The following SH3TC2 variants were observed in gnomAD, a reference collection of about 807,000 sequenced individuals.
SH3TC2 encodes the protein SH3 domain and tetratricopeptide repeats 2.
In SH3TC2, 87 loss-of-function variants were observed where a neutral mutation model predicts 124.5. That is an observed-to-expected ratio of 0.70 (90% CI 0.59 to 0.84). The LOEUF (loss-of-function observed/expected upper bound fraction) is 0.84. Ranked by LOEUF, SH3TC2 falls within the 40% of genes least tolerant of loss-of-function variation. The pLI is 0.00. For synonymous variants in SH3TC2, 634 were observed against 628.5 expected (o/e 1.01, Z -0.13); for missense variants, 1,536 against 1,566.4 (o/e 0.98, Z 0.33).
At chr5:149,051,043 T>C (rs983769939) in intron 2 of SH3TC2, among the ~76,000 whole-genome samples, 1 of 152,186 alleles carries the variant, frequency 6.6e-6, no homozygotes, top group African/African-American at 2.4e-5. Context: ...TGAGGATCAT[T>C]TGGCACACAA....
Position 149,004,784 on chromosome 5 carries a change from AG to A in SH3TC2, c.3793del (p.Leu1265CysfsTer17). The A allele has an allele frequency of 6.2e-7, 1 of 1,614,120 alleles. No individual in the cohort carries two copies. The highest frequency in any genetic ancestry group is 1.3e-5 in the African/African-American group (1 of 75,052). On this transcript the variant is annotated frameshift_variant, in exon 17 of 17. Transcript: ENST00000515425. LOFTEE classifies it high-confidence loss of function. The stretch of plus-strand genomic sequence containing the variant: ...GCACCCGGAGGGCCTGCTGTGCCAC[AG>A]GGGGCTCTGGCAGATGTTGTCCAGC... ...SRLDNICQSP[L>X]WHSRPSGCSS... is the part of the protein sequence containing the mutation.
At chr5:149,046,045 G>A in intron 3 of SH3TC2, 2 of 345,586 alleles carry the variant, frequency 5.8e-6, no homozygotes, top group Non-Finnish European at 1.2e-5. Flanking sequence ...GGAGTTGACT[G>A]TAACAAGTGA....
Position 149,050,013 on chromosome 5 carries a change from T to C in SH3TC2, c.152-2024A>G, listed in dbSNP as rs72835364. 3.4e-3 allele frequency among the ~76,000 whole-genome samples: 512 copies of C among 152,274 alleles called. 1 individual carries two copies. The highest frequency in any genetic ancestry group is 5.6e-3 in the Non-Finnish European group (379 of 68,014). On this transcript the variant is annotated intron_variant, in intron 2 of 16. Transcript: ENST00000515425. ...CTTTCTACCAAACCCATCTCATCCA[T>C]CCTTCCAACATCTGATCCAAAATCC...
intron 12 of SH3TC2, chr5:149,026,071 A>G (rs1754057517): frequency 1.9e-5 from 3 of 155,146 alleles, no homozygotes; most frequent in South Asian, 4.0e-4. Flanking sequence ...ATGACATTTT[A>G]CACCCCTGCT....
At position 149,041,581 on chromosome 5, in the gene SH3TC2, G is replaced by A. The variant is rs1411960923; in HGVS notation, c.566C>T (p.Pro189Leu). 2 of 1,614,080 alleles carry A rather than the reference G, an allele frequency of 1.2e-6. No homozygotes were observed. Among genetic ancestry groups the A allele is most frequent in the Non-Finnish European group, 1.7e-6 (2 of 1,180,046 alleles). ...FFCRALCSVT[P>L]PAEKEGECLT... ...GCATTCCCCTTCCTTCTCGGCTGGT[G>A]GAGTCACGGAGCACAGGGCTCTGCA... The change falls in exon 6 of 17, where the codon CCA (proline) becomes CTA (leucine). Residue 189 changes from proline to leucine, a missense_variant. Pro to Leu is a moderately conservative substitution (Grantham distance 98). This residue lies in a region of SH3TC2 where 1,102 missense variants were observed against 1,098.6 expected (regional missense o/e 1.00). Transcript: ENST00000515425.
intron 8 of SH3TC2, 144 bp downstream of exon 8, chr5:149,038,151 T>C: frequency 1.4e-6 from 1 of 700,078 alleles, no homozygotes; most frequent in South Asian, 1.8e-5. Flanking sequence ...TCACTCTCTG[T>C]ATCAACCTTG....
At chr5:149,020,674 T>C (rs1315726049) in intron 12 of SH3TC2, among the ~76,000 whole-genome samples, 1 of 152,052 alleles carries the variant, frequency 6.6e-6, no homozygotes, top group African/African-American at 2.4e-5. Flanking sequence ...TATGCTAATA[T>C]CAGATAAAAA....
chr5:149,062,928 A>C, intron 1 of SH3TC2, 43 bp downstream of exon 1: 1 of 1,554,026 alleles, frequency 6.4e-7, no homozygotes, highest in Non-Finnish European at 8.7e-7. Context: ...TGGACCATCC[A>C]CTTTGGCCAA....
chr5:149,035,490 G>T (rs866255180), intron 8 of SH3TC2: 1 of 152,856 alleles, frequency 6.5e-6, no homozygotes, highest in South Asian at 2.1e-4. Context: ...CCAGTCGGAC[G>T]GCAGCGTGCA....
Position 149,001,717 on chromosome 5 carries a change from G to A in SH3TC2, c.*2994C>T, listed in dbSNP as rs1459156152. The stretch of plus-strand genomic sequence containing the variant: ...AAAAATAGTCTTACCCTTGTCTTTG[G>A]AAACATGCTAAACATTTTTATAACT... On this transcript the variant is annotated 3_prime_UTR_variant, in exon 17 of 17. Coordinates refer to ENST00000515425, the MANE Select transcript of SH3TC2 (RefSeq NM_024577.4). The A allele has an allele frequency of 6.6e-6, 1 of 152,090 alleles. No homozygotes were observed. The highest frequency in any genetic ancestry group is 2.4e-5 in the African/African-American group (1 of 41,408). 9.4% of individuals were successfully genotyped at this position (152,090 alleles called of 1,614,324 possible).
intron 1 of SH3TC2, among the ~76,000 whole-genome samples, chr5:149,056,001 C>G (rs1032788067): frequency 2.0e-5 from 3 of 152,140 alleles, no homozygotes; most frequent in Admixed American, 2.0e-4. Flanking sequence ...TGAGTATATT[C>G]ACTTGTGAAA....
Position 148,983,269 on chromosome 5 carries a change from A to G in SH3TC2, c.*21442T>C, listed in dbSNP as rs1256544364. On this transcript the variant is annotated 3_prime_UTR_variant, in exon 17 of 17. Coordinates refer to ENST00000515425, the MANE Select transcript of SH3TC2 (RefSeq NM_024577.4). ...TTGCCACTTACCATTTTTAGTACAA[A>G]TTCCTTTTGAAAAGCTCCCACTCTC... is the stretch of plus-strand genomic sequence containing the variant. Among the ~76,000 whole-genome samples, 2 of 152,200 alleles carry G rather than the reference A, an allele frequency of 1.3e-5. No homozygotes were observed. Among genetic ancestry groups the G allele is most frequent in the African/African-American group, 2.4e-5 (1 of 41,448 alleles).
At chr5:149,044,092 T>C (rs1271889624) in intron 4 of SH3TC2, 1 of 189,940 alleles carries the variant, frequency 5.3e-6, no homozygotes, top group African/African-American at 2.4e-5. Flanking sequence ...CTCTATTTCT[T>C]TCTTTAACTC....
chr5:149,051,274 T>C (rs1271018151), intron 2 of SH3TC2, among the ~76,000 whole-genome samples: 1 of 152,258 alleles, frequency 6.6e-6, no homozygotes, highest in Non-Finnish European at 1.5e-5. Context: ...TTTTTCTGCT[T>C]CTGAAAGATT....
At chr5:149,036,374 G>A (rs774128466) in intron 8 of SH3TC2, among the ~76,000 whole-genome samples, 43 of 152,042 alleles carry the variant, frequency 2.8e-4, no homozygotes, top group Non-Finnish European at 4.7e-4. Context: ...TGTCAGCCCC[G>A]CCTCCCCCGC....
chr5:149,060,862 A>G lies in SH3TC2; in HGVS notation c.52+2109T>C, dbSNP rs145338393. Among the ~76,000 whole-genome samples the G allele has an allele frequency of 2.1e-3, 327 of 152,330 alleles. 3 individuals are homozygous for G. Among genetic ancestry groups the G allele is most frequent in the African/African-American group, 7.8e-3 (324 of 41,574 alleles). On this transcript the variant is annotated intron_variant, in intron 1 of 16. Transcript: ENST00000515425. ...CCATTAGATACAGTTTACAGCCAGG[A>G]AAACTGAGGTTCAAAAAACATGAGG...
At chr5:149,052,999 A>T (rs1754583849) in intron 1 of SH3TC2, among the ~76,000 whole-genome samples, 1 of 152,196 alleles carries the variant, frequency 6.6e-6, no homozygotes, top group Non-Finnish European at 1.5e-5. Context: ...TCACACATTA[A>T]TTTTAGTTGA....
intron 9 of SH3TC2, among the ~76,000 whole-genome samples, chr5:149,031,282 A>C (rs760013216): frequency 6.6e-6 from 1 of 152,182 alleles, no homozygotes; most frequent in Non-Finnish European, 1.5e-5. Flanking sequence ...CCCCAAGATT[A>C]GGAGGGAAGA....
At position 148,985,351 on chromosome 5, in the gene SH3TC2, C is replaced by G. The variant is rs1753315961; in HGVS notation, c.*19360G>C. Among the ~76,000 whole-genome samples the G allele has an allele frequency of 6.6e-6, 1 of 152,270 alleles. No individual in the cohort carries two copies. Among genetic ancestry groups the G allele is most frequent in the South Asian group, 2.1e-4 (1 of 4,828 alleles). ...ATCAAGATATAGAACAGCTCCATCA[C>G]TTCAAACAATTTTCTTGTGTCTTTT... On this transcript the variant is annotated 3_prime_UTR_variant, in exon 17 of 17. Transcript: ENST00000515425.
Sources: gnomAD v4.1 joint callset for allele counts (sites outside exome capture counted in the v4.1 genomes callset) on GRCh38, gnomAD v4.1.1 for gene constraint, gnomAD v4.1.1 regional missense constraint, MANE v1.5 for transcripts, NCBI Gene and HGNC (gene_info 2026-07-23, HGNC 2026-07-21) for gene names.